Variants in ZFAT observed in about 807,000 individuals in gnomAD.
ZFAT encodes the protein zinc finger and AT-hook domain containing.
ZFAT carries 64 observed loss-of-function variants against 117.7 expected under a neutral mutation model. The ratio of observed to expected loss-of-function variants is 0.54; its 90% CI spans 0.44 to 0.67. The LOEUF (loss-of-function observed/expected upper bound fraction) is 0.67, where lower values mean the gene tolerates loss of function less well. Among genes scored for constraint, ZFAT ranks in the 30% least tolerant of loss-of-function variants. The pLI, the probability that ZFAT is intolerant of heterozygous loss-of-function variation, is 0.00. For missense variants in ZFAT, 1,433 were observed against 1,584.5 expected, an observed-to-expected ratio of 0.90 and a Z score of 1.62; for synonymous variants, 679 against 615.0, an observed-to-expected ratio of 1.10 and a Z score of -1.54.
In ZFAT at chr8:134,496,628, C is replaced by T. The variant is rs536046972; in HGVS notation, c.3492+12991G>A. Among the ~76,000 whole-genome samples, 8 of 152,322 alleles carry T rather than the reference C, an allele frequency of 5.3e-5. 1 individual carries two copies. In the South Asian group the frequency reaches 1.7e-3, roughly 32 times the overall value. ...ATGCGTATGAAGCCTCTAAAATGTA[C>T]CAGGCCCTGAGCCAAGTGCTAGAGA... On this transcript the variant is annotated intron_variant, in intron 15 of 15. Transcript: ENST00000377838.
At position 134,658,103 on chromosome 8, in the gene ZFAT, C is replaced by T. The variant is rs560765722; in HGVS notation, c.20-366G>A. 2.9e-3 allele frequency among the ~76,000 whole-genome samples: 447 copies of T among 152,246 alleles called. 3 individuals carry two copies. Among genetic ancestry groups the T allele is most frequent in the Middle Eastern group, 6.8e-3 (2 of 294 alleles). On this transcript the variant is annotated intron_variant, in intron 1 of 15. Coordinates refer to ENST00000377838, the MANE Select transcript of ZFAT (RefSeq NM_020863.4). ...CTGTAATCCCAGCACTTTGGGAGGC[C>T]GAGGCGGGCGGAGCACAAGGTCAGG...
intron 13 of ZFAT, 134 bp from the exon 14 acceptor site, chr8:134,512,735 C>T: frequency 2.6e-6 from 3 of 1,151,222 alleles, no homozygotes; most frequent in East Asian, 2.5e-5. Context: ...TACCTGGCAC[C>T]CCTGAGAAAC....
At chr8:134,830,653 A>G in the ZFAT span, among the ~76,000 whole-genome samples, 1 of 152,184 alleles carries the variant, frequency 6.6e-6, no homozygotes, top group African/African-American at 2.4e-5. Flanking sequence ...TATCATCACA[A>G]TCCTGCACCT....
intron 9 of ZFAT, among the ~76,000 whole-genome samples, chr8:134,585,185 C>A (rs1164416930): frequency 6.6e-6 from 1 of 152,172 alleles, no homozygotes; most frequent in Non-Finnish European, 1.5e-5. Flanking sequence ...TCATTTACAA[C>A]ACACTCTCAC....
chr8:134,729,772 A>T, the ZFAT span, among the ~76,000 whole-genome samples: 4 of 152,128 alleles, frequency 2.6e-5, no homozygotes, highest in African/African-American at 9.7e-5. Context: ...TTACCCTCAC[A>T]AGCTTGGGTC....
At chr8:134,681,786 C>T (rs966092075) in intron 1 of ZFAT, among the ~76,000 whole-genome samples, 8 of 152,054 alleles carry the variant, frequency 5.3e-5, no homozygotes, top group Non-Finnish European at 8.8e-5. Context: ...TTCATTTGCC[C>T]TTAAGTTATT....
At chr8:134,670,429 G>T (rs1039728831) in intron 1 of ZFAT, among the ~76,000 whole-genome samples, 4 of 152,232 alleles carry the variant, frequency 2.6e-5, no homozygotes, top group Non-Finnish European at 4.4e-5. Context: ...AATCAAACTA[G>T]AACTCAGGAT....
the ZFAT span, among the ~76,000 whole-genome samples, chr8:134,743,938 CT>C: frequency 6.6e-6 from 1 of 152,212 alleles, no homozygotes; most frequent in Non-Finnish European, 1.5e-5. Context: ...GAACATGTGG[CT>C]ATCACGAGAG....
At chr8:134,717,118 G>T (rs1480073288), upstream of ZFAT, among the ~76,000 whole-genome samples, 2 of 152,188 alleles carry the variant, frequency 1.3e-5, no homozygotes, top group Admixed American at 6.5e-5. Context: ...AGATTAAACT[G>T]CTATATGGCC....
the ZFAT span, among the ~76,000 whole-genome samples, chr8:134,741,966 C>T: frequency 2.5e-3 from 381 of 152,166 alleles, no homozygotes; most frequent in African/African-American, 8.9e-3. Flanking sequence ...TCTTCACCTG[C>T]GTACTTCTCC....
the ZFAT span, among the ~76,000 whole-genome samples, chr8:134,741,605 C>A: frequency 6.6e-6 from 1 of 152,146 alleles, no homozygotes; most frequent in Non-Finnish European, 1.5e-5. Context: ...TCTCACCATA[C>A]ACAGTCTTCC....
intron 10 of ZFAT, among the ~76,000 whole-genome samples, chr8:134,578,928 C>A (rs983159615): frequency 6.6e-6 from 1 of 152,142 alleles, no homozygotes; most frequent in African/African-American, 2.4e-5. Flanking sequence ...GCCCAAGCAC[C>A]AAATTTAGCC....
chr8:134,504,313 C>T (rs1032193157), intron 15 of ZFAT, among the ~76,000 whole-genome samples: 4 of 152,132 alleles, frequency 2.6e-5, no homozygotes, highest in Non-Finnish European at 4.4e-5. Context: ...AAAAACAATA[C>T]AAAATTAACA....
At chr8:134,547,536 G>A (rs1822789188) in intron 11 of ZFAT, among the ~76,000 whole-genome samples, 1 of 150,006 alleles carries the variant, frequency 6.7e-6, no homozygotes. Flanking sequence ...ACCAAACACT[G>A]CAGGTCAGAG....
At chr8:134,611,747 A>C (rs1163975251) in intron 3 of ZFAT, among the ~76,000 whole-genome samples, 1 of 152,228 alleles carries the variant, frequency 6.6e-6, no homozygotes, top group African/African-American at 2.4e-5. Flanking sequence ...AGCAAAGGGA[A>C]ACAATGCCTG....
At chr8:134,590,794 TCACCACCACCAC>T (rs34831588) in intron 7 of ZFAT, among the ~76,000 whole-genome samples, 32,305 of 148,820 alleles carry the variant, frequency 0.22, 3,757 homozygotes, top group East Asian at 0.46. Context: ...ACTGCCACCA[TCACCACCACCAC>T]CACCACCATC....
In ZFAT at chr8:134,661,987, A is replaced by G. The variant is rs541543562; in HGVS notation, c.20-4250T>C. On this transcript the variant is annotated intron_variant, in intron 1 of 15. Transcript: ENST00000377838. The stretch of plus-strand genomic sequence containing the variant: ...CAAATCCTTCCAAAGGCCCTGTCCC[A>G]GTCCATCTGAGTAGCTATCACAAAA... Among the ~76,000 whole-genome samples, 6 of 152,322 alleles carry G rather than the reference A, an allele frequency of 3.9e-5. No homozygotes were observed. The East Asian group carries it at 9.7e-4, about 25-fold the overall frequency.
intron 1 of ZFAT, among the ~76,000 whole-genome samples, chr8:134,697,987 G>A (rs1415340672): frequency 6.6e-6 from 1 of 151,486 alleles, no homozygotes. Context: ...AAAGCCCTGG[G>A]ATAAGGGAGC....
the ZFAT span, among the ~76,000 whole-genome samples, chr8:134,822,376 CAT>C: frequency 6.6e-6 from 1 of 152,038 alleles, no homozygotes; most frequent in Non-Finnish European, 1.5e-5. Context: ...TCCAAATTCC[CAT>C]ATGTTCTCTG....
Sources: gnomAD v4.1 joint callset for allele counts (sites outside exome capture counted in the v4.1 genomes callset) on GRCh38, gnomAD v4.1.1 for gene constraint, MANE v1.5 for transcripts, NCBI Gene and HGNC (gene_info 2026-07-23, HGNC 2026-07-21) for gene names.